NELL1: variants seen among roughly 807,000 people sequenced by gnomAD.
NELL1 encodes the protein protein kinase C-binding protein NELL1.
NELL1 carries 76 observed loss-of-function variants against 107.4 expected under a neutral mutation model. The ratio of observed to expected loss-of-function variants is 0.71; its 90% CI spans 0.59 to 0.86. The LOEUF (loss-of-function observed/expected upper bound fraction) is 0.86. Among genes scored for constraint, NELL1 ranks in the 40% least tolerant of loss-of-function variants. The probability of loss-of-function intolerance (pLI) is 0.00; values close to 1 mark genes in which losing one functional copy is unlikely to be tolerated. For synonymous variants in NELL1, 353 were observed against 341.2 expected, an observed-to-expected ratio of 1.03 and a Z score of -0.38; for missense variants, 1,024 against 1,005.5, an observed-to-expected ratio of 1.02 and a Z score of -0.25.
chr11:21,363,237 G>T (rs1851126304), intron 14 of NELL1, among the ~76,000 whole-genome samples: 1 of 152,168 alleles, frequency 6.6e-6, no homozygotes, highest in Non-Finnish European at 1.5e-5. Flanking sequence ...GTGAAGGGAT[G>T]GCTTCCTGGG....
chr11:21,314,321 A>G (rs1849825383), intron 14 of NELL1, among the ~76,000 whole-genome samples: 1 of 152,252 alleles, frequency 6.6e-6, no homozygotes, highest in Non-Finnish European at 1.5e-5. Flanking sequence ...AGAGGAGACA[A>G]ATATTTAAAC....
intron 12 of NELL1, among the ~76,000 whole-genome samples, chr11:20,982,983 C>T (rs796509544): frequency 6.6e-6 from 1 of 152,062 alleles, no homozygotes; most frequent in African/African-American, 2.4e-5. Flanking sequence ...CTATTTATTA[C>T]GTTATTTTAA....
intron 2 of NELL1, among the ~76,000 whole-genome samples, chr11:20,698,252 C>A (rs114871887): frequency 2.0e-3 from 312 of 152,250 alleles, no homozygotes; most frequent in African/African-American, 7.2e-3. Flanking sequence ...AAATTAACAC[C>A]TGCACTGGCT....
intron 3 of NELL1, among the ~76,000 whole-genome samples, chr11:20,796,762 G>GAC (rs1426581649): frequency 1.3e-5 from 2 of 152,184 alleles, no homozygotes; most frequent in African/African-American, 4.8e-5. Context: ...TACAAGAGTG[G>GAC]AGACAGTCAA....
At chr11:20,717,549 C>G (rs976812003) in intron 2 of NELL1, among the ~76,000 whole-genome samples, 1 of 152,078 alleles carries the variant, frequency 6.6e-6, no homozygotes, top group African/African-American at 2.4e-5. Context: ...AGTTAAACAC[C>G]TTGCCCAAGA....
chr11:21,248,199 G>C (rs545278447), intron 14 of NELL1, among the ~76,000 whole-genome samples: 10 of 152,110 alleles, frequency 6.6e-5, no homozygotes, highest in African/African-American at 2.2e-4. Flanking sequence ...CAAAAAATTA[G>C]CTGGATGTGG....
chr11:20,823,362 C>T (rs1285872850), intron 3 of NELL1, among the ~76,000 whole-genome samples: 3 of 151,342 alleles, frequency 2.0e-5, no homozygotes, highest in East Asian at 3.9e-4. Flanking sequence ...TGATCTCCCA[C>T]TGGGTCTCTC....
At chr11:21,102,712 T>C (rs1479434848) in intron 12 of NELL1, among the ~76,000 whole-genome samples, 1 of 152,224 alleles carries the variant, frequency 6.6e-6, no homozygotes, top group Non-Finnish European at 1.5e-5. Flanking sequence ...CACCAGATTC[T>C]CTCCTACTTC....
chr11:21,409,233 A>G (rs1269324656), intron 15 of NELL1, among the ~76,000 whole-genome samples: 2 of 152,126 alleles, frequency 1.3e-5, no homozygotes, highest in Non-Finnish European at 2.9e-5. Context: ...CATATACACC[A>G]TGGAATACTA....
intron 4 of NELL1, among the ~76,000 whole-genome samples, chr11:20,863,999 T>C (rs1007805544): frequency 6.6e-6 from 1 of 151,996 alleles, no homozygotes; most frequent in Non-Finnish European, 1.5e-5. Context: ...TCGCAGGCAC[T>C]CGGCAGGCTG....
chr11:21,381,087 C>T (rs936481019), intron 15 of NELL1, among the ~76,000 whole-genome samples: 1 of 152,020 alleles, frequency 6.6e-6, no homozygotes, highest in Non-Finnish European at 1.5e-5. Context: ...ATTGCTGAAT[C>T]CAAATTTCAT....
chr11:21,336,928 C>G (rs1369791866), intron 14 of NELL1, among the ~76,000 whole-genome samples: 2 of 151,820 alleles, frequency 1.3e-5, no homozygotes, highest in East Asian at 3.9e-4. Context: ...AAAGAGATAC[C>G]TGGGTTGAAT....
intron 13 of NELL1, among the ~76,000 whole-genome samples, chr11:21,141,888 G>A (rs187973514): frequency 9.2e-5 from 14 of 151,894 alleles, no homozygotes; most frequent in Admixed American, 2.6e-4. Flanking sequence ...CTAAGCCTCC[G>A]GAGTAGCTGG....
rs115086452 is a variant in NELL1, at chr11:21,147,505, A to G, written c.1426+33791A>G. Among the ~76,000 whole-genome samples, 1,243 of 152,274 alleles carry G rather than the reference A, an allele frequency of 8.2e-3. 15 individuals carry two copies. Among genetic ancestry groups the G allele is most frequent in the African/African-American group, 0.026 (1,060 of 41,552 alleles). ...TCCTGAGCCAGAACCCTCTGCTGTCATAAGTGGCTCTGCATTTAGTGGTAA... is the reference window on the plus strand; with the variant it reads ...TCCTGAGCCAGAACCCTCTGCTGTCGTAAGTGGCTCTGCATTTAGTGGTAA... On this transcript the variant is annotated intron_variant, in intron 13 of 19. Transcript: ENST00000357134.
chr11:21,148,448 G>T (rs555493733), intron 13 of NELL1, among the ~76,000 whole-genome samples: 2 of 152,278 alleles, frequency 1.3e-5, no homozygotes, highest in Non-Finnish European at 2.9e-5. Flanking sequence ...TGTTCCTTCA[G>T]GTGATAGATT....
intron 12 of NELL1, among the ~76,000 whole-genome samples, chr11:21,078,997 T>G (rs1854204165): frequency 6.6e-6 from 1 of 151,908 alleles, no homozygotes; most frequent in Admixed American, 6.6e-5. Flanking sequence ...ACTATGCATT[T>G]GTATTTTAAA....
intron 13 of NELL1, among the ~76,000 whole-genome samples, chr11:21,138,499 G>A (rs1228159371): frequency 1.3e-5 from 2 of 152,120 alleles, no homozygotes; most frequent in South Asian, 2.1e-4. Context: ...CCTAAATATT[G>A]TTTTGGGTGC....
At chr11:21,174,888 T>C (rs962095822) in intron 13 of NELL1, among the ~76,000 whole-genome samples, 2 of 151,720 alleles carry the variant, frequency 1.3e-5, no homozygotes, top group African/African-American at 2.4e-5. Flanking sequence ...GACTTTATGA[T>C]TGGGATAACC....
intron 11 of NELL1, among the ~76,000 whole-genome samples, chr11:20,958,735 C>G (rs1317352196): frequency 6.6e-6 from 1 of 152,138 alleles, no homozygotes; most frequent in African/African-American, 2.4e-5. Context: ...GAAGAAGTAG[C>G]AGGGAACAAG....
Sources: allele counts gnomAD v4.1 joint callset (sites outside exome capture counted in the v4.1 genomes callset), GRCh38; gene constraint gnomAD v4.1.1; transcripts MANE v1.5; gene names NCBI Gene and HGNC (gene_info 2026-07-23, HGNC 2026-07-21).